Variants in IPO9 observed in about 807,000 individuals in gnomAD.
The protein encoded by IPO9 is importin-9.
In IPO9, 28 loss-of-function variants were observed where a neutral mutation model predicts 128.6. That is an observed-to-expected ratio of 0.22 (90% CI 0.16 to 0.30). The LOEUF (loss-of-function observed/expected upper bound fraction) is 0.30, where lower values mean the gene tolerates loss of function less well. Among genes scored for constraint, IPO9 ranks in the 10% least tolerant of loss-of-function variants. The pLI, the probability that IPO9 is intolerant of heterozygous loss-of-function variation, is 1.00. For missense variants in IPO9, 935 were observed against 1,293.9 expected (o/e 0.72, Z 4.26); for synonymous variants, 455 against 475.8 (o/e 0.96, Z 0.57).
In IPO9 at chr1:201,840,830, A is replaced by T. The variant is rs545417995; in HGVS notation, c.164-6449A>T. 2.1e-3 allele frequency among the ~76,000 whole-genome samples: 313 copies of T among 152,260 alleles called. 1 individual carries two copies. Among genetic ancestry groups the T allele is most frequent in the Non-Finnish European group, 3.6e-3 (244 of 68,010 alleles). On this transcript the variant is annotated intron_variant, in intron 1 of 23. Transcript: ENST00000361565. ...TCATGTAAACAAGAAGGGAATATTT[A>T]AAAAAATGTGTCTGCTCATTTGTGT...
At chr1:201,875,921 G>A in intron 23 of IPO9, 23 bp from the exon 24 acceptor site, 1 of 1,446,056 alleles carries the variant, frequency 6.9e-7, no homozygotes, top group Non-Finnish European at 9.7e-7. Context: ...TCTCACTAAT[G>A]CCACTCTTGC....
intron 1 of IPO9, among the ~76,000 whole-genome samples, chr1:201,829,740 T>C (rs1252645658): frequency 6.6e-6 from 1 of 152,182 alleles, no homozygotes; most frequent in African/African-American, 2.4e-5. Context: ...CGCTGTTCTC[T>C]TCACCAGCTG....
In IPO9 at chr1:201,876,262, G is replaced by C; in HGVS notation, c.*208G>C. The C allele has an allele frequency of 2.9e-6, 2 of 689,654 alleles. No homozygotes were observed. The highest frequency in any genetic ancestry group is 3.0e-5 in the South Asian group (2 of 66,038). The allele number at this position is 689,654 out of a possible 1,614,324, so 42.7% of individuals were successfully genotyped here. A position where few individuals can be genotyped will look rare whatever the true frequency, so the allele number is the denominator to read the frequency against. On this transcript the variant is annotated 3_prime_UTR_variant, in exon 24 of 24. Transcript: ENST00000361565. ...GCTGGAACAAAGGACATTTCTCAAA[G>C]TTCCCCTGAAGACATGCCATCTCTA...
chr1:201,838,880 A>G (rs1679986696), intron 1 of IPO9, among the ~76,000 whole-genome samples: 1 of 152,190 alleles, frequency 6.6e-6, no homozygotes, highest in Admixed American at 6.5e-5. Flanking sequence ...TCAACAAAAA[A>G]GTAAATGCTT....
chr1:201,857,668 G>C (rs1680357645), intron 11 of IPO9, among the ~76,000 whole-genome samples: 1 of 152,076 alleles, frequency 6.6e-6, no homozygotes, highest in East Asian at 1.9e-4. Flanking sequence ...GATGGCGCAT[G>C]CCTGTAATCC....
At chr1:201,854,450 A>G in intron 6 of IPO9, 145 bp from the exon 7 acceptor site, 2 of 967,106 alleles carry the variant, frequency 2.1e-6, no homozygotes, top group Non-Finnish European at 3.0e-6. Flanking sequence ...TAACACCTTC[A>G]TTGACTTTAT....
chr1:201,869,784 A>G, intron 17 of IPO9, 66 bp downstream of exon 17: 1 of 1,523,772 alleles, frequency 6.6e-7, no homozygotes, highest in Non-Finnish European at 8.9e-7. Flanking sequence ...TACTATGCTG[A>G]GAAATCTGAC....
chr1:201,869,554 G>A, intron 16 of IPO9, 36 bp from the exon 17 acceptor site: 1 of 1,610,792 alleles, frequency 6.2e-7, no homozygotes, highest in Non-Finnish European at 8.5e-7. Flanking sequence ...CCACCCCAGA[G>A]GCAATTCTGA....
At chr1:201,841,531 G>A (rs766996649) in intron 1 of IPO9, among the ~76,000 whole-genome samples, 5 of 152,138 alleles carry the variant, frequency 3.3e-5, no homozygotes, top group Admixed American at 2.0e-4. Flanking sequence ...CTCTGAGAAC[G>A]CCTAGGAATA....
rs566751782 is a variant in IPO9 at position 201,855,496 on chromosome 1, T to C, written c.971-287T>C. The stretch of plus-strand genomic sequence containing the variant: ...TTGGGGGTCCCAGATCATGAATCTT[T>C]CGTTTCTGTTTTAACATTTCTCATT... On this transcript the variant is annotated intron_variant, in intron 9 of 23. Transcript: ENST00000361565. Among the ~76,000 whole-genome samples the C allele has an allele frequency of 2.0e-5, 3 of 152,334 alleles. No homozygotes were observed. The East Asian group carries it at 5.8e-4, about 29-fold the overall frequency.
At chr1:201,847,506 A>G in intron 2 of IPO9, 46 bp from the exon 3 acceptor site, 1 of 1,526,386 alleles carries the variant, frequency 6.6e-7, no homozygotes. Context: ...TTATGTGTGA[A>G]AAAAATCTTT....
At position 201,847,568 on chromosome 1, in the gene IPO9, T is replaced by C; in HGVS notation, c.242T>C (p.Leu81Ser). The C allele has an allele frequency of 6.2e-7, 1 of 1,614,076 alleles. No homozygotes were observed. Among genetic ancestry groups the C allele is most frequent in the Non-Finnish European group, 8.5e-7 (1 of 1,179,958 alleles). ...LAIRQLASVI[L>S]KQYVETHWCA... ...TCTTCACAGCTGGCATCAGTCATCT[T>C]GAAACAATATGTGGAGACTCACTGG... The change falls in exon 3 of 24, where the codon TTG becomes TCG. Residue 81 changes from leucine to serine, a missense_variant. This residue lies in a region of IPO9 where 741 missense variants were observed against 1,019.1 expected (regional missense o/e 0.73). Coordinates refer to ENST00000361565, the MANE Select transcript of IPO9 (RefSeq NM_018085.5).
At chr1:201,855,007 CTCT>C (rs1680302787) in intron 8 of IPO9, 84 bp downstream of exon 8, 2 of 1,348,154 alleles carry the variant, frequency 1.5e-6, no homozygotes, top group South Asian at 1.3e-5. Context: ...TATGGTTCCA[CTCT>C]TCTTACACAG....
intron 20 of IPO9, 104 bp downstream of exon 20, chr1:201,873,065 T>C: frequency 8.1e-7 from 1 of 1,236,530 alleles, no homozygotes; most frequent in African/African-American, 1.5e-5. Flanking sequence ...TTAAAACAAT[T>C]GTTGGTGATG....
intron 2 of IPO9, 61 bp from the exon 3 acceptor site, chr1:201,847,491 A>G: frequency 1.4e-6 from 2 of 1,450,316 alleles, no homozygotes; most frequent in Non-Finnish European, 1.9e-6. Flanking sequence ...CTATGTATAT[A>G]GTTTTTATGT....
chr1:201,847,695 AT>A, intron 3 of IPO9, 57 bp downstream of exon 3: 1 of 1,175,450 alleles, frequency 8.5e-7, no homozygotes, highest in Non-Finnish European at 1.3e-6. Context: ...ATTTTAAGAG[AT>A]TAGACTATAA....
chr1:201,849,632 T>TG (rs1680182657), intron 4 of IPO9, among the ~76,000 whole-genome samples: 1 of 152,268 alleles, frequency 6.6e-6, no homozygotes, highest in African/African-American at 2.4e-5. Context: ...TGCTAGTCCA[T>TG]GTGATGTTAA....
Position 201,870,049 on chromosome 1 carries a change from T to C in IPO9, c.2133+331T>C, listed in dbSNP as rs1031499628. On this transcript the variant is annotated intron_variant, in intron 17 of 23. Transcript: ENST00000361565. This position sits in a 1 kb window ranked among gnomAD's most constrained non-coding sequence, Gnocchi z 4.9. ...TCTAGTAATAAAGTCAGCAGAGTGA[T>C]GGGCCTCTAGAGAGGGGAGACATGC... Among the ~76,000 whole-genome samples the C allele has an allele frequency of 2.6e-5, 4 of 152,240 alleles. No homozygotes were observed. The highest frequency in any genetic ancestry group is 9.6e-5 in the African/African-American group (4 of 41,470).
In IPO9 at chr1:201,883,647, T is replaced by C. The variant is rs1463276394; in HGVS notation, c.*7593T>C. The C allele has an allele frequency of 1.3e-5, 2 of 152,190 alleles. No individual in the cohort carries two copies. The highest frequency in any genetic ancestry group is 3.8e-4 in the East Asian group (2 of 5,200). The allele number at this position is 152,190 out of a possible 1,614,324, so 9.4% of individuals were successfully genotyped here. A position where few individuals can be genotyped will look rare whatever the true frequency, so the allele number is the denominator to read the frequency against. On this transcript the variant is annotated 3_prime_UTR_variant, in exon 24 of 24. Transcript: ENST00000361565. ...GAGGGCTCACCTCAATGTTTTGCAC[T>C]GTGTGAGACCCCAGGACCTTTTCGT...
Sources: gnomAD v4.1 joint callset for allele counts (sites outside exome capture counted in the v4.1 genomes callset) on GRCh38, gnomAD v4.1.1 for gene constraint, gnomAD v4.1.1 regional missense constraint, Gnocchi (gnomAD v3.1) non-coding constraint, MANE v1.5 for transcripts, NCBI Gene and HGNC (gene_info 2026-07-23, HGNC 2026-07-21) for gene names.